The following NPY2R variants were observed in gnomAD, a reference collection of about 807,000 sequenced individuals.
NPY2R encodes the protein neuropeptide Y receptor type 2.
A neutral mutation model predicts 22.3 loss-of-function variants in NPY2R; 17 were observed. The ratio of observed to expected loss-of-function variants is 0.76; its 90% confidence interval spans 0.52 to 1.14. NPY2R has a LOEUF of 1.14. Among genes scored for constraint, NPY2R ranks in the 50% most tolerant of loss-of-function variants. NPY2R has a pLI of 0.00. For synonymous variants in NPY2R, 209 were observed against 183.4 expected (o/e 1.14, Z -1.13); for missense variants, 424 against 467.9 (o/e 0.91, Z 0.87).
At chr4:155,205,375 C>T (rs557592509), upstream of NPY2R, among the ~76,000 whole-genome samples, 63 of 151,962 alleles carry the variant, frequency 4.1e-4, no homozygotes, top group Non-Finnish European at 7.2e-4. Flanking sequence ...TTATTTATAC[C>T]GTGGGGGAAG....
chr4:155,187,417 A>G, the NPY2R span, among the ~76,000 whole-genome samples: 1 of 152,184 alleles, frequency 6.6e-6, no homozygotes, highest in African/African-American at 2.4e-5. Flanking sequence ...GTTATTGAGG[A>G]ATAACATTTT....
chr4:155,178,382 T>C, the NPY2R span, among the ~76,000 whole-genome samples: 2 of 152,330 alleles, frequency 1.3e-5, no homozygotes, highest in East Asian at 1.9e-4. Context: ...ATTTTAATTC[T>C]TTTAATTTTA....
At chr4:155,207,577 G>T (rs1289597852), upstream of NPY2R, 1 of 152,292 alleles carries the variant, frequency 6.6e-6, no homozygotes, top group East Asian at 1.9e-4. Context: ...ACTTTTAGAA[G>T]GAATGGCTTC....
rs1378378095 is a variant in NPY2R, at chr4:155,214,174, A to C, written c.235A>C (p.Lys79Gln). 6.2e-7 allele frequency: 1 copy of C among 1,614,104 alleles called. No homozygotes were observed. The highest frequency in any genetic ancestry group is 8.5e-7 in the Non-Finnish European group (1 of 1,179,936). The change falls in exon 2 of 2, where the codon AAG (lysine) becomes CAG (glutamine). Residue 79 changes from lysine (K) to glutamine (Q), a missense_variant. Transcript: ENST00000329476. ...GGTGATCCATGTGGTGATCAAATTC[A>C]AGAGCATGCGCACAGTAACCAACTT... is the stretch of plus-strand genomic sequence containing the variant. Reference protein sequence around the residue: ...SLVIHVVIKFKSMRTVTNFFI... With the variant: ...SLVIHVVIKFQSMRTVTNFFI...
rs766895453 is a variant in NPY2R, at chr4:155,214,491, C to T, written c.552C>T (p.Ala184=). ...GISALLASPL[A]IFREYSLIEI... Reference sequence around the variant, plus strand: ...GTGCCCTGCTGGCAAGTCCCCTGGCCATCTTCCGGGAGTATTCGCTGATTG... The same window carrying T: ...GTGCCCTGCTGGCAAGTCCCCTGGCTATCTTCCGGGAGTATTCGCTGATTG... The change falls in exon 2 of 2, where the codon GCC becomes GCT. Residue 184 remains alanine, a synonymous_variant. Transcript: ENST00000329476. The T allele has an allele frequency of 1.2e-6, 2 of 1,614,106 alleles. No homozygotes were observed. Among genetic ancestry groups the T allele is most frequent in the South Asian group, 2.2e-5 (2 of 91,074 alleles).
chr4:155,213,825 T>G, intron 1 of NPY2R, 67 bp from the exon 2 acceptor site: 1 of 884,568 alleles, frequency 1.1e-6, no homozygotes, highest in Non-Finnish European at 1.9e-6. Flanking sequence ...TGCTTCACCT[T>G]TGTGTTTTCC....
At chr4:155,203,648 A>G (rs1729230832), upstream of NPY2R, among the ~76,000 whole-genome samples, 1 of 152,180 alleles carries the variant, frequency 6.6e-6, no homozygotes, top group Non-Finnish European at 1.5e-5. Context: ...TTGAGAATCT[A>G]TATTATAACC....
At chr4:155,186,655 T>C in the NPY2R span, among the ~76,000 whole-genome samples, 1 of 152,176 alleles carries the variant, frequency 6.6e-6, no homozygotes, top group Non-Finnish European at 1.5e-5. Flanking sequence ...ATAATGTTAG[T>C]AACTATACTC....
the NPY2R span, among the ~76,000 whole-genome samples, chr4:155,185,601 C>T: frequency 1.8e-4 from 27 of 151,444 alleles, no homozygotes; most frequent in Non-Finnish European, 2.8e-4. Context: ...TTCTTCATAA[C>T]GCAAATAAAT....
chr4:155,176,607 G>A, the NPY2R span, among the ~76,000 whole-genome samples: 1 of 152,250 alleles, frequency 6.6e-6, no homozygotes, highest in African/African-American at 2.4e-5. Flanking sequence ...CACAACTTCA[G>A]CTTTGTGTCC....
rs1342045543 is a variant in NPY2R at position 155,214,413 on chromosome 4, C to T, written c.474C>T (p.Ser158=). Residue 158 remains serine (S), a synonymous_variant, in exon 2 of 2, where the codon AGC becomes AGT. Transcript: ENST00000329476. ...GGTGCATCGTCTACCACCTAGAGAG[C>T]AAGATCTCCAAGCGAATCAGCTTCC... is the stretch of plus-strand genomic sequence containing the variant. The part of the protein sequence containing the change: ...RHRCIVYHLE[S]KISKRISFLI... The T allele has an allele frequency of 6.2e-7, 1 of 1,613,962 alleles. No homozygotes were observed. Among genetic ancestry groups the T allele is most frequent in the African/African-American group, 1.3e-5 (1 of 74,916 alleles).
chr4:155,206,921 A>G (rs1156826266), upstream of NPY2R: 1 of 152,252 alleles, frequency 6.6e-6, no homozygotes, highest in Non-Finnish European at 1.5e-5. Context: ...AGAAGAATGG[A>G]ACCTGTCACA....
chr4:155,215,281 CA>C lies in NPY2R; in HGVS notation c.*200del. ...ATACTGGAATTCAAAGATAAGGCAA[CA>C]AAATGGTTTACTTAACAGTTGGTTG... On this transcript the variant is annotated 3_prime_UTR_variant, in exon 2 of 2. Coordinates refer to ENST00000329476, the MANE Select transcript of NPY2R (RefSeq NM_000910.4). 4 of 670,358 alleles carry C rather than the reference CA, an allele frequency of 6.0e-6. No homozygotes were observed. The highest frequency in any genetic ancestry group is 1.1e-5 in the Non-Finnish European group (4 of 368,356). 41.5% of individuals were successfully genotyped at this position (670,358 alleles called of 1,614,324 possible).
At chr4:155,189,422 G>C in the NPY2R span, among the ~76,000 whole-genome samples, 1 of 151,936 alleles carries the variant, frequency 6.6e-6, no homozygotes. Flanking sequence ...GCCCCCATCT[G>C]TTTGTATCTG....
At chr4:155,174,484 A>ATATATATTT in the NPY2R span, among the ~76,000 whole-genome samples, 378 of 106,042 alleles carry the variant, frequency 3.6e-3, no homozygotes, top group Non-Finnish European at 5.4e-3. Context: ...ATATATATAT[A>ATATATATTT]TTTTTTTTTT....
chr4:155,214,412 G>A lies in NPY2R; in HGVS notation c.473G>A (p.Ser158Asn), dbSNP rs1729467982. The A allele has an allele frequency of 6.2e-7, 1 of 1,613,946 alleles. No homozygotes were observed. The highest frequency in any genetic ancestry group is 8.5e-7 in the Non-Finnish European group (1 of 1,180,026). Reference sequence around the variant, plus strand: ...AGGTGCATCGTCTACCACCTAGAGAGCAAGATCTCCAAGCGAATCAGCTTC... The same window carrying A: ...AGGTGCATCGTCTACCACCTAGAGAACAAGATCTCCAAGCGAATCAGCTTC... ...RHRCIVYHLE[S>N]KISKRISFLI... The change falls in exon 2 of 2, where the codon AGC becomes AAC. Residue 158 changes from serine to asparagine, a missense_variant. Ser to Asn is a conservative substitution (Grantham distance 46). Transcript: ENST00000329476.
the NPY2R span, among the ~76,000 whole-genome samples, chr4:155,192,118 C>T: frequency 5.1e-4 from 78 of 151,770 alleles, no homozygotes; most frequent in African/African-American, 1.7e-3. Flanking sequence ...TCCATTTTAC[C>T]TTAATCATGA....
At chr4:155,175,843 A>G in the NPY2R span, among the ~76,000 whole-genome samples, 1 of 152,142 alleles carries the variant, frequency 6.6e-6, no homozygotes, top group Non-Finnish European at 1.5e-5. Context: ...GAAAGAAAAG[A>G]AAAAAGAGAG....
chr4:155,192,914 A>C, the NPY2R span, among the ~76,000 whole-genome samples: 1 of 152,072 alleles, frequency 6.6e-6, no homozygotes, highest in Admixed American at 6.6e-5. Context: ...TAACCCATTT[A>C]GATTTCCATT....
Sources: allele counts gnomAD v4.1 joint callset (sites outside exome capture counted in the v4.1 genomes callset), GRCh38; gene constraint gnomAD v4.1.1; transcripts MANE v1.5; gene names NCBI Gene and HGNC (gene_info 2026-07-23, HGNC 2026-07-21).